Variants in GRM5 observed in about 807,000 individuals in gnomAD.
GRM5 encodes glutamate metabotropic receptor 5, also known as metabotropic glutamate receptor 5.
A neutral mutation model predicts 83.1 loss-of-function variants in GRM5; 19 were observed. That is an observed-to-expected ratio of 0.23 (90% CI 0.16 to 0.34). The LOEUF is 0.34. Among genes scored for constraint, GRM5 ranks in the 10% least tolerant of loss-of-function variants. The probability of loss-of-function intolerance (pLI) is 1.00; values close to 1 mark genes in which losing one functional copy is unlikely to be tolerated. For missense variants in GRM5, 1,160 were observed against 1,588.3 expected (o/e 0.73, Z 4.58); for synonymous variants, 675 against 633.6 (o/e 1.07, Z -0.98).
intron 2 of GRM5, among the ~76,000 whole-genome samples, chr11:88,908,605 G>C (rs543725021): frequency 6.6e-6 from 1 of 152,198 alleles, no homozygotes; most frequent in South Asian, 2.1e-4. Context: ...ATGGCCTTAA[G>C]TTCTATTTTC....
intron 2 of GRM5, among the ~76,000 whole-genome samples, chr11:88,907,247 C>T (rs316090): frequency 0.5 from 76,577 of 151,890 alleles, 20,056 homozygotes; most frequent in South Asian, 0.65. Context: ...TAGCTAGTAG[C>T]GATCATCACT....
chr11:89,058,759 A>G (rs1941927549), intron 1 of GRM5, among the ~76,000 whole-genome samples: 1 of 152,218 alleles, frequency 6.6e-6, no homozygotes, highest in Non-Finnish European at 1.5e-5. Flanking sequence ...AAGTATCACA[A>G]ATTACAAGAA....
At chr11:89,016,334 G>A (rs1940855375) in intron 2 of GRM5, among the ~76,000 whole-genome samples, 2 of 150,630 alleles carry the variant, frequency 1.3e-5, no homozygotes, top group Non-Finnish European at 3.0e-5. Context: ...CATGTTATGT[G>A]CATGGGAATA....
chr11:88,922,816 C>A (rs2135631345), intron 2 of GRM5, among the ~76,000 whole-genome samples: 1 of 152,184 alleles, frequency 6.6e-6, no homozygotes, highest in Non-Finnish European at 1.5e-5. Flanking sequence ...AAAATGTTAG[C>A]AAACTCTACA....
At chr11:88,843,869 G>A (rs544294471) in intron 3 of GRM5, among the ~76,000 whole-genome samples, 33 of 152,298 alleles carry the variant, frequency 2.2e-4, no homozygotes, top group Admixed American at 6.5e-4. Context: ...CTAATCAAGA[G>A]CAAGATCTTA....
chr11:88,646,080 T>C (rs1939435987), intron 4 of GRM5, among the ~76,000 whole-genome samples: 1 of 152,066 alleles, frequency 6.6e-6, no homozygotes, highest in African/African-American at 2.4e-5. Context: ...TGTCTGTTTG[T>C]TGTCTTAAGT....
intron 3 of GRM5, among the ~76,000 whole-genome samples, chr11:88,673,380 C>T (rs1565181223): frequency 1.3e-5 from 2 of 151,942 alleles, no homozygotes; most frequent in East Asian, 3.9e-4. Flanking sequence ...TGATTAGTAA[C>T]ATTTACTAAA....
chr11:88,516,690 T>C (rs1307299935), intron 9 of GRM5, among the ~76,000 whole-genome samples: 3 of 150,320 alleles, frequency 2.0e-5, no homozygotes, highest in East Asian at 3.9e-4. Flanking sequence ...GTGAAGTCTC[T>C]TGGTTTAAGA....
intron 3 of GRM5, among the ~76,000 whole-genome samples, chr11:88,725,534 G>A (rs757636994): frequency 2.6e-5 from 4 of 152,184 alleles, no homozygotes; most frequent in Non-Finnish European, 4.4e-5. Flanking sequence ...CTCAAGCTCT[G>A]CTAAGGGACA....
chr11:88,680,887 G>A (rs1322413839), intron 3 of GRM5, among the ~76,000 whole-genome samples: 1 of 152,144 alleles, frequency 6.6e-6, no homozygotes, highest in Non-Finnish European at 1.5e-5. Flanking sequence ...AACAATATGA[G>A]ATCCACCCTG....
chr11:89,036,063 A>G (rs573958462), intron 2 of GRM5, among the ~76,000 whole-genome samples: 1 of 152,216 alleles, frequency 6.6e-6, no homozygotes, highest in Admixed American at 6.5e-5. Context: ...TGTAAAAAAG[A>G]ATTCAAAAGT....
chr11:89,057,805 A>G (rs936553267), intron 1 of GRM5, among the ~76,000 whole-genome samples: 2 of 152,178 alleles, frequency 1.3e-5, no homozygotes, highest in Admixed American at 6.5e-5. Context: ...TTACATTTCT[A>G]TAACATGATC....
intron 2 of GRM5, among the ~76,000 whole-genome samples, chr11:88,993,152 G>T (rs1940044973): frequency 6.6e-6 from 1 of 151,368 alleles, no homozygotes; most frequent in African/African-American, 2.4e-5. Flanking sequence ...TGTAGTCCTA[G>T]CTCCTCCGTA....
At chr11:88,925,772 T>C (rs1945777978) in intron 2 of GRM5, 1 of 452,886 alleles carries the variant, frequency 2.2e-6, no homozygotes, top group Non-Finnish European at 4.4e-6. Context: ...ATTACCTGGG[T>C]GTGGTACATG....
intron 3 of GRM5, among the ~76,000 whole-genome samples, chr11:88,752,307 C>A (rs1942294762): frequency 6.6e-6 from 1 of 151,916 alleles, no homozygotes; most frequent in South Asian, 2.1e-4. Flanking sequence ...TATATACCAA[C>A]AACAGGCGAG....
chr11:88,799,368 A>G (rs1252586337), intron 3 of GRM5, among the ~76,000 whole-genome samples: 1 of 152,104 alleles, frequency 6.6e-6, no homozygotes, highest in Non-Finnish European at 1.5e-5. Flanking sequence ...AAAACAGTAT[A>G]TACAGTATTA....
At chr11:88,644,312 G>A (rs1939380418) in intron 4 of GRM5, among the ~76,000 whole-genome samples, 1 of 152,084 alleles carries the variant, frequency 6.6e-6, no homozygotes, top group South Asian at 2.1e-4. Flanking sequence ...GCGGTCCTAG[G>A]TCCTCTAGCT....
intron 9 of GRM5, among the ~76,000 whole-genome samples, chr11:88,523,628 T>A (rs1317149246): frequency 1.3e-5 from 2 of 152,144 alleles, no homozygotes; most frequent in Non-Finnish European, 2.9e-5. Context: ...CACACATATA[T>A]GCCTACACAT....
intron 3 of GRM5, among the ~76,000 whole-genome samples, chr11:88,798,453 A>C (rs10501685): frequency 6.6e-6 from 1 of 152,032 alleles, no homozygotes; most frequent in Non-Finnish European, 1.5e-5. Flanking sequence ...ATGGGACTTT[A>C]TAATACATCA....
Sources: allele counts gnomAD v4.1 joint callset (sites outside exome capture counted in the v4.1 genomes callset), GRCh38; gene constraint gnomAD v4.1.1; transcripts MANE v1.5; gene names NCBI Gene and HGNC (gene_info 2026-07-23, HGNC 2026-07-21).